Variants in PSMA3 observed in about 807,000 individuals in gnomAD.
PSMA3 encodes the protein proteasome 20S subunit alpha 3.
Under a neutral mutation model 40.0 loss-of-function variants are expected in PSMA3, and 8 were observed. That is an observed-to-expected ratio of 0.20 (90% CI 0.12 to 0.36). The LOEUF (loss-of-function observed/expected upper bound fraction) is 0.36. PSMA3 is among the 10% of genes least tolerant of loss of function. PSMA3 has a pLI of 1.00. For synonymous variants in PSMA3, 110 were observed against 100.0 expected (o/e 1.10, Z -0.59); for missense variants, 219 against 310.6 (o/e 0.70, Z 2.22).
At chr14:58,268,309 A>G (rs1482812289) in intron 8 of PSMA3, among the ~76,000 whole-genome samples, 1 of 152,194 alleles carries the variant, frequency 6.6e-6, no homozygotes, top group Non-Finnish European at 1.5e-5. Flanking sequence ...AACTACATAA[A>G]CAAGGTCTAG....
chr14:58,270,397 C>T (rs1159054701), intron 8 of PSMA3, 21 bp from the exon 9 acceptor site: 2 of 1,612,436 alleles, frequency 1.2e-6, no homozygotes, highest in East Asian at 4.5e-5. Flanking sequence ...CAAAATCTTA[C>T]CTTTCCCTTT....
chr14:58,270,595 T>C (rs1164073642), intron 9 of PSMA3, 110 bp downstream of exon 9: 2 of 1,537,548 alleles, frequency 1.3e-6, no homozygotes, highest in African/African-American at 2.8e-5. Context: ...TTTACTAGGT[T>C]GTCTAATGAA....
intron 1 of PSMA3, among the ~76,000 whole-genome samples, chr14:58,246,922 A>T (rs529711875): frequency 6.6e-6 from 1 of 152,352 alleles, no homozygotes; most frequent in African/African-American, 2.4e-5. Context: ...TTAGAATAAA[A>T]TACAGAGTCC....
chr14:58,269,161 T>C (rs1442261652), intron 8 of PSMA3, among the ~76,000 whole-genome samples: 1 of 152,126 alleles, frequency 6.6e-6, no homozygotes, highest in Non-Finnish European at 1.5e-5. Context: ...CTTGAACTCC[T>C]GACCTTGTGA....
chr14:58,263,085 C>T (rs1402908114), intron 6 of PSMA3, among the ~76,000 whole-genome samples: 8 of 150,898 alleles, frequency 5.3e-5, no homozygotes, highest in Middle Eastern at 3.4e-3. Context: ...CAGATTCAAG[C>T]GATTCTCCTG....
rs1304071499 is a variant in PSMA3, at chr14:58,271,982, T to A, written c.*87T>A. On this transcript the variant is annotated 3_prime_UTR_variant, in exon 11 of 11. Coordinates refer to ENST00000216455, the MANE Select transcript of PSMA3 (RefSeq NM_002788.4). Reference sequence around the variant, plus strand: ...CCTGGATTATACATACTGTCCAATTTTCATTAAATTTTTGTCTTATAACTA... The same window carrying A: ...CCTGGATTATACATACTGTCCAATTATCATTAAATTTTTGTCTTATAACTA... The A allele has an allele frequency of 1.0e-6, 1 of 999,880 alleles. No individual in the cohort carries two copies. Among genetic ancestry groups the A allele is most frequent in the Non-Finnish European group, 1.5e-6 (1 of 667,026 alleles). The allele number at this position is 999,880 out of a possible 1,614,324, so 61.9% of individuals were successfully genotyped here.
intron 2 of PSMA3, 101 bp downstream of exon 2, chr14:58,247,933 C>T (rs1416659455): frequency 4.3e-6 from 3 of 698,266 alleles, no homozygotes; most frequent in Non-Finnish European, 7.1e-6. Context: ...AGTATATGTC[C>T]CCAAATCTCA....
chr14:58,252,359 C>A lies in PSMA3; in HGVS notation c.228+117C>A, dbSNP rs573816135. 195 of 1,297,008 alleles carry A rather than the reference C, an allele frequency of 1.5e-4. No individual in the cohort carries two copies. The South Asian group carries it at 2.8e-3, about 19-fold the overall frequency. 80.3% of individuals were successfully genotyped at this position (1,297,008 alleles called of 1,614,324 possible). On this transcript the variant is annotated intron_variant, in intron 3 of 10. Coordinates refer to ENST00000216455, the MANE Select transcript of PSMA3 (RefSeq NM_002788.4). ...ATCAGAGCAAGTTACTGCATTTGTC[C>A]AGTTCACTGTCCAGTAGAAAGGCAG...
Position 58,252,112 on chromosome 14 carries a change from G to T in PSMA3, c.105-7G>T. On this transcript the variant is annotated splice_polypyrimidine_tract_variant and splice_region_variant and intron_variant, in intron 2 of 10. Coordinates refer to ENST00000216455, the MANE Select transcript of PSMA3 (RefSeq NM_002788.4). Reference sequence around the variant, plus strand: ...TTAAAAAACTGATTTTCTTCTCCTTGTTTCAGTACAGCTATTGGAATCAGA... The same window carrying T: ...TTAAAAAACTGATTTTCTTCTCCTTTTTTCAGTACAGCTATTGGAATCAGA... The T allele has an allele frequency of 6.3e-7, 1 of 1,582,034 alleles. No homozygotes were observed. The highest frequency in any genetic ancestry group is 8.5e-7 in the Non-Finnish European group (1 of 1,170,498).
intron 7 of PSMA3, chr14:58,265,886 C>T (rs1325234097): frequency 6.6e-6 from 1 of 152,188 alleles, no homozygotes; most frequent in Admixed American, 6.5e-5. Flanking sequence ...AGTTAGACTT[C>T]AGTTAACCAC....
At chr14:58,245,921 C>T (rs910277571) in intron 1 of PSMA3, among the ~76,000 whole-genome samples, 1 of 152,178 alleles carries the variant, frequency 6.6e-6, no homozygotes, top group Non-Finnish European at 1.5e-5. Context: ...TTCTGCCATA[C>T]TTTTCTTGGA....
Position 58,270,297 on chromosome 14 carries a change from G to C in PSMA3, c.591-121G>C, listed in dbSNP as rs1890577573. On this transcript the variant is annotated intron_variant, in intron 8 of 10. Transcript: ENST00000216455. Reference sequence around the variant, plus strand: ...GTTAAATACTATGTAGAATGTGTCTGTGTAATTTTATAGATACTTTTATTA... The same window carrying C: ...GTTAAATACTATGTAGAATGTGTCTCTGTAATTTTATAGATACTTTTATTA... 2.9e-6 allele frequency: 4 copies of C among 1,369,718 alleles called. No individual in the cohort carries two copies. The South Asian group carries it at 5.8e-5, about 20-fold the overall frequency. 84.8% of individuals were successfully genotyped at this position (1,369,718 alleles called of 1,614,324 possible). A position where few individuals can be genotyped will look rare whatever the true frequency, so the allele number is the denominator to read the frequency against.
At chr14:58,262,565 AT>A (rs35510234) in intron 6 of PSMA3, among the ~76,000 whole-genome samples, 69,293 of 141,276 alleles carry the variant, frequency 0.49, 16,557 homozygotes, top group Middle Eastern at 0.67. Context: ...AATTATTACC[AT>A]TTTTTTTTTT....
At chr14:58,260,091 T>G (rs2140089012) in intron 5 of PSMA3, among the ~76,000 whole-genome samples, 1 of 152,332 alleles carries the variant, frequency 6.6e-6, no homozygotes, top group East Asian at 1.9e-4. Flanking sequence ...TGCTGCTGAT[T>G]TCTTTTCTAC....
chr14:58,247,124 T>C (rs1024091118), intron 1 of PSMA3, among the ~76,000 whole-genome samples: 1 of 152,220 alleles, frequency 6.6e-6, no homozygotes, highest in African/African-American at 2.4e-5. Flanking sequence ...ATATCTTAAA[T>C]GGCTAGCTCC....
At chr14:58,271,496 C>T (rs1890623968) in intron 10 of PSMA3, among the ~76,000 whole-genome samples, 1 of 151,744 alleles carries the variant, frequency 6.6e-6, no homozygotes. Context: ...TACCTGGCTA[C>T]TTTTGTATTT....
chr14:58,249,829 A>T (rs991176459), intron 2 of PSMA3, among the ~76,000 whole-genome samples: 2 of 152,210 alleles, frequency 1.3e-5, no homozygotes, highest in Non-Finnish European at 2.9e-5. Flanking sequence ...TCTTATGAAA[A>T]TAATTTTGAC....
Position 58,250,440 on chromosome 14 carries a change from C to T in PSMA3, c.105-1679C>T, listed in dbSNP as rs562850127. ...TGTATTCTAGCATCCAGGATAACCT[C>T]AAAGACATGGAATCAAAAATGAACA... On this transcript the variant is annotated intron_variant, in intron 2 of 10. Transcript: ENST00000216455. Among the ~76,000 whole-genome samples the T allele has an allele frequency of 4.6e-5, 7 of 152,144 alleles. No individual in the cohort carries two copies. In the South Asian group the frequency reaches 1.5e-3, roughly 32 times the overall value.
At chr14:58,267,901 C>T (rs532566197) in intron 8 of PSMA3, 1 of 154,582 alleles carries the variant, frequency 6.5e-6, no homozygotes, top group South Asian at 2.1e-4. Flanking sequence ...TATTTCAATA[C>T]ATGATCCATG....
Sources: allele counts gnomAD v4.1 joint callset (sites outside exome capture counted in the v4.1 genomes callset), GRCh38; gene constraint gnomAD v4.1.1; transcripts MANE v1.5; gene names NCBI Gene and HGNC (gene_info 2026-07-23, HGNC 2026-07-21).